The following ECD variants were observed in gnomAD, a reference collection of about 807,000 sequenced individuals.
The protein encoded by ECD is protein ecdysoneless homolog.
In ECD, 59 loss-of-function variants were observed where a neutral mutation model predicts 77.2. That is an observed-to-expected ratio of 0.76 (90% confidence interval 0.62 to 0.95). ECD has a LOEUF of 0.95. Among genes scored for constraint, ECD ranks in the 40% least tolerant of loss-of-function variants. The pLI, the probability that ECD is intolerant of heterozygous loss-of-function variation, is 0.00. For missense variants in ECD, 704 were observed against 763.4 expected (o/e 0.92, Z 0.92); for synonymous variants, 233 against 267.4 (o/e 0.87, Z 1.26).
At chr10:73,166,902 G>C (rs1027552243) in intron 1 of ECD, among the ~76,000 whole-genome samples, 1 of 152,298 alleles carries the variant, frequency 6.6e-6, no homozygotes, top group African/African-American at 2.4e-5. Flanking sequence ...TAATGTCCTA[G>C]AGAGTTTCCC....
At chr10:73,161,707 T>C (rs1159855126) in intron 2 of ECD, among the ~76,000 whole-genome samples, 1 of 152,202 alleles carries the variant, frequency 6.6e-6, no homozygotes, top group Non-Finnish European at 1.5e-5. Flanking sequence ...ATTACCCTAA[T>C]ACCAAAGCCA....
intron 2 of ECD, among the ~76,000 whole-genome samples, 178 bp downstream of exon 2, chr10:73,163,555 A>AT (rs917438062): frequency 5.3e-5 from 8 of 152,168 alleles, no homozygotes; most frequent in Admixed American, 2.6e-4. Context: ...CATTAATATG[A>AT]TTTTTTTTAA....
At chr10:73,163,683 C>A in intron 2 of ECD, 50 bp downstream of exon 2, 1 of 1,570,736 alleles carries the variant, frequency 6.4e-7, no homozygotes, top group Non-Finnish European at 8.7e-7. Flanking sequence ...TCACTGTTGT[C>A]AGGATAACAT....
intron 6 of ECD, among the ~76,000 whole-genome samples, chr10:73,153,388 C>T (rs1444466160): frequency 2.6e-5 from 4 of 151,908 alleles, no homozygotes; most frequent in African/African-American, 7.2e-5. Flanking sequence ...CCACCATGCC[C>T]GGCCAAGAAT....
chr10:73,167,446 T>C (rs1178668464), intron 1 of ECD, among the ~76,000 whole-genome samples: 1 of 152,190 alleles, frequency 6.6e-6, no homozygotes, highest in Admixed American at 6.5e-5. Context: ...TAGTTTATTC[T>C]TGCTGCCAGG....
rs762743509 is a variant in ECD, at chr10:73,146,338, C to T, written c.1065G>A (p.Gln355=). 1 of 1,607,244 alleles carries T rather than the reference C, an allele frequency of 6.2e-7. No homozygotes were observed. The highest frequency in any genetic ancestry group is 8.5e-7 in the Non-Finnish European group (1 of 1,176,252). The change falls in exon 9 of 14, where the codon CAG becomes CAA. Residue 355 remains glutamine (Q), a synonymous_variant. Coordinates refer to ENST00000372979, the MANE Select transcript of ECD (RefSeq NM_007265.3). ...YFKGLIEGSA[Q]YRERLEMAEN... ...CTGCCATTTCTAGCCTTTCCCGGTA[C>T]TGAGCAGAACCTTCTATCAGTCCCT... is the stretch of plus-strand genomic sequence containing the variant.
chr10:73,136,614 C>T (rs1277479870), intron 13 of ECD, 90 bp downstream of exon 13: 1 of 1,203,176 alleles, frequency 8.3e-7, no homozygotes, highest in African/African-American at 1.5e-5. Flanking sequence ...AAATCTCACA[C>T]ACCAAAAAAA....
Position 73,154,373 on chromosome 10 carries a change from C to T in ECD, c.666G>A (p.Lys222=). ...FLPAGIVAVL[K]QRPRLVAAAV... ...CTGCAGCCACCAATCTGGGGCGCTG[C>T]TTTAGCACTGCCACAATGCCAGCTG... Residue 222 remains lysine, a synonymous_variant, in exon 6 of 14, where the codon AAG becomes AAA. Coordinates refer to ENST00000372979, the MANE Select transcript of ECD (RefSeq NM_007265.3). 1.2e-6 allele frequency: 2 copies of T among 1,614,102 alleles called. No individual in the cohort carries two copies. Among genetic ancestry groups the T allele is most frequent in the Non-Finnish European group, 1.7e-6 (2 of 1,180,020 alleles).
intron 1 of ECD, among the ~76,000 whole-genome samples, chr10:73,166,367 T>C (rs1437789472): frequency 6.6e-6 from 1 of 152,202 alleles, no homozygotes; most frequent in Non-Finnish European, 1.5e-5. Flanking sequence ...GATCATATAG[T>C]AGCTCTATTT....
chr10:73,152,445 A>T (rs572172500), intron 6 of ECD, 24 bp from the exon 7 acceptor site: 1 of 1,602,698 alleles, frequency 6.2e-7, no homozygotes, highest in East Asian at 2.2e-5. Flanking sequence ...CACAAAATAC[A>T]TGAGTCTTTT....
intron 1 of ECD, among the ~76,000 whole-genome samples, chr10:73,164,581 C>T (rs974731890): frequency 1.3e-5 from 2 of 152,024 alleles, no homozygotes; most frequent in Non-Finnish European, 2.9e-5. Context: ...CATCCTCCCA[C>T]CTCAGCCTCC....
chr10:73,148,840 A>G (rs1442653609), intron 7 of ECD, among the ~76,000 whole-genome samples: 1 of 152,200 alleles, frequency 6.6e-6, no homozygotes, highest in Non-Finnish European at 1.5e-5. Flanking sequence ...AAAAAATAAT[A>G]GATGCACATG....
chr10:73,142,691 T>G (rs1053557287), intron 9 of ECD, among the ~76,000 whole-genome samples: 1 of 151,732 alleles, frequency 6.6e-6, no homozygotes, highest in African/African-American at 2.4e-5. Context: ...TGATGACCAC[T>G]GCCACCCATC....
intron 12 of ECD, among the ~76,000 whole-genome samples, chr10:73,137,527 G>A (rs570059853): frequency 1.3e-5 from 2 of 152,118 alleles, no homozygotes; most frequent in African/African-American, 2.4e-5. Context: ...TGTAATCCCA[G>A]CACTTTGGTA....
At chr10:73,157,343 C>G (rs1259731602) in intron 3 of ECD, among the ~76,000 whole-genome samples, 1 of 151,830 alleles carries the variant, frequency 6.6e-6, no homozygotes, top group Non-Finnish European at 1.5e-5. Flanking sequence ...AGCCACCACG[C>G]CCGGCCCGTA....
At chr10:73,166,746 C>G (rs1186275576) in intron 1 of ECD, among the ~76,000 whole-genome samples, 1 of 152,200 alleles carries the variant, frequency 6.6e-6, no homozygotes, top group Non-Finnish European at 1.5e-5. Context: ...CAAATATTTT[C>G]TCCCATTCTG....
chr10:73,148,408 G>C lies in ECD; in HGVS notation c.913-4C>G, dbSNP rs1843156176. The C allele has an allele frequency of 6.2e-7, 1 of 1,609,606 alleles. No homozygotes were observed. The highest frequency in any genetic ancestry group is 1.3e-5 in the African/African-American group (1 of 74,672). ...ATAAGATCTCAAATCCATGAGCCTA[G>C]ATGAGATAGGTAGAATTTTTGTTAC... is the stretch of plus-strand genomic sequence containing the variant. On this transcript the variant is annotated splice_polypyrimidine_tract_variant and splice_region_variant and intron_variant, in intron 7 of 13. Coordinates refer to ENST00000372979, the MANE Select transcript of ECD (RefSeq NM_007265.3).
intron 3 of ECD, among the ~76,000 whole-genome samples, chr10:73,160,201 G>A (rs1037100372): frequency 2.0e-5 from 3 of 151,030 alleles, no homozygotes; most frequent in Admixed American, 6.6e-5. Flanking sequence ...CAGGAGAATC[G>A]CTTGAACCCG....
At chr10:73,157,752 G>C in intron 3 of ECD, among the ~76,000 whole-genome samples, 1 of 150,960 alleles carries the variant, frequency 6.6e-6, no homozygotes. Flanking sequence ...AAATAAAAAA[G>C]TCTCCCTCCT....
Sources: gnomAD v4.1 joint callset for allele counts (sites outside exome capture counted in the v4.1 genomes callset) on GRCh38, gnomAD v4.1.1 for gene constraint, MANE v1.5 for transcripts, NCBI Gene and HGNC (gene_info 2026-07-23, HGNC 2026-07-21) for gene names.